Variants in ADARB2 observed in about 807,000 individuals in gnomAD.
ADARB2 encodes the protein inactive double-stranded RNA-specific editase B2.
A neutral mutation model predicts 62.2 loss-of-function variants in ADARB2; 25 were observed. The ratio of observed to expected loss-of-function variants is 0.40; its 90% CI spans 0.29 to 0.56. The LOEUF is 0.56. Among genes scored for constraint, ADARB2 ranks in the 20% least tolerant of loss-of-function variants. The pLI is 0.43. For missense variants in ADARB2, 1,071 were observed against 1,077.4 expected, an observed-to-expected ratio of 0.99 and a Z score of 0.08; for synonymous variants, 572 against 500.8, an observed-to-expected ratio of 1.14 and a Z score of -1.90.
At chr10:1,384,092 G>C (rs1832506378) in intron 1 of ADARB2, among the ~76,000 whole-genome samples, 1 of 152,178 alleles carries the variant, frequency 6.6e-6, no homozygotes, top group Non-Finnish European at 1.5e-5. Context: ...TTAATATTTT[G>C]TAGAAAAATC....
At chr10:1,533,926 A>G (rs1051569172) in intron 1 of ADARB2, among the ~76,000 whole-genome samples, 3 of 151,734 alleles carry the variant, frequency 2.0e-5, no homozygotes, top group African/African-American at 7.3e-5. Context: ...ATTTAGGAAT[A>G]TTTTTGTAAA....
At chr10:1,326,776 C>G (rs12358210) in intron 3 of ADARB2, among the ~76,000 whole-genome samples, 14,367 of 73,622 alleles carry the variant, frequency 0.2, 2,630 homozygotes, top group Middle Eastern at 0.29. Flanking sequence ...GTAGCACAGC[C>G]CCTCCTCACT....
chr10:1,379,919 T>C (rs575956320), intron 1 of ADARB2, among the ~76,000 whole-genome samples: 1 of 152,334 alleles, frequency 6.6e-6, no homozygotes, highest in African/African-American at 2.4e-5. Context: ...TTTACTCCCA[T>C]GGTCTCAGCA....
At chr10:1,478,594 A>G (rs185851690) in intron 1 of ADARB2, among the ~76,000 whole-genome samples, 3 of 152,222 alleles carry the variant, frequency 2.0e-5, no homozygotes, top group African/African-American at 7.2e-5. Flanking sequence ...GAGAGCACCA[A>G]AACAAGGACC....
chr10:1,469,489 AACTTTTAC>A (rs1831295247), intron 1 of ADARB2, among the ~76,000 whole-genome samples: 1 of 152,214 alleles, frequency 6.6e-6, no homozygotes, highest in African/African-American at 2.4e-5. Flanking sequence ...CTTAATACCA[AACTTTTAC>A]ACTTTTACAC....
At chr10:1,342,843 G>C (rs1832043106) in intron 3 of ADARB2, among the ~76,000 whole-genome samples, 1 of 151,846 alleles carries the variant, frequency 6.6e-6, no homozygotes, top group South Asian at 2.1e-4. Flanking sequence ...TCCTTTTTTT[G>C]AACACAAGTC....
rs1257588669 is a variant in ADARB2, at chr10:1,261,461, A to AATC, written c.1192+9493_1192+9494insGAT. Among the ~76,000 whole-genome samples, 3 of 150,196 alleles carry AATC rather than the reference A, an allele frequency of 2.0e-5. No homozygotes were observed. In the East Asian group the frequency reaches 5.8e-4, roughly 29 times the overall value. On this transcript the variant is annotated intron_variant, in intron 4 of 9. Coordinates refer to ENST00000381312, the MANE Select transcript of ADARB2 (RefSeq NM_018702.4). ...TGAACTCAAACAAATTTACAAGAAAAAAACAACCCCATAAAAAAGTGGGCA... is the reference window on the plus strand; with the variant it reads ...TGAACTCAAACAAATTTACAAGAAAAATCAAACAACCCCATAAAAAAGTGGGCA...
intron 1 of ADARB2, among the ~76,000 whole-genome samples, chr10:1,485,922 CCT>C (rs1831535439): frequency 6.6e-6 from 1 of 152,176 alleles, no homozygotes; most frequent in Non-Finnish European, 1.5e-5. Context: ...TATGACTCTC[CCT>C]CTCTCTTCTA....
At chr10:1,607,531 C>T (rs1277539268) in intron 1 of ADARB2, among the ~76,000 whole-genome samples, 2 of 152,028 alleles carry the variant, frequency 1.3e-5, no homozygotes, top group African/African-American at 4.8e-5. Flanking sequence ...GACCACATCC[C>T]AGACACCAGG....
chr10:1,509,994 CTCTTTCTTTCTTT>C (rs1564312322), intron 1 of ADARB2, among the ~76,000 whole-genome samples: 1 of 151,834 alleles, frequency 6.6e-6, no homozygotes, highest in Non-Finnish European at 1.5e-5. Flanking sequence ...CTTTCTTTTT[CTCTTTCTTTCTTT>C]TCTTTCTTCT....
At chr10:1,583,352 C>T (rs1833132321) in intron 1 of ADARB2, among the ~76,000 whole-genome samples, 1 of 152,174 alleles carries the variant, frequency 6.6e-6, no homozygotes, top group Admixed American at 6.5e-5. Flanking sequence ...TTGCATTTTA[C>T]AGATAGCTTT....
At position 1,347,683 on chromosome 10, in the gene ADARB2, G is replaced by A. The variant is rs114152852; in HGVS notation, c.1077+15345C>T. 4.8e-3 allele frequency among the ~76,000 whole-genome samples: 731 copies of A among 152,270 alleles called. 4 individuals are homozygous for A. Among genetic ancestry groups the A allele is most frequent in the African/African-American group, 0.015 (607 of 41,562 alleles). On this transcript the variant is annotated intron_variant, in intron 3 of 9. Coordinates refer to ENST00000381312, the MANE Select transcript of ADARB2 (RefSeq NM_018702.4). Reference sequence around the variant, plus strand: ...AGTAAGACCACGGGTGCCTCGACCCGGCTGGTGCACAAGGAGCACAGCCAT... The same window carrying A: ...AGTAAGACCACGGGTGCCTCGACCCAGCTGGTGCACAAGGAGCACAGCCAT...
intron 4 of ADARB2, among the ~76,000 whole-genome samples, chr10:1,249,893 A>G (rs1371180843): frequency 6.6e-6 from 1 of 151,956 alleles, no homozygotes; most frequent in Non-Finnish European, 1.5e-5. Flanking sequence ...CCAAGTTAAT[A>G]TACAGAAGTC....
intron 1 of ADARB2, among the ~76,000 whole-genome samples, chr10:1,425,518 G>A (rs771247573): frequency 1.1e-4 from 16 of 152,266 alleles, no homozygotes; most frequent in Non-Finnish European, 2.1e-4. Flanking sequence ...AGGATTCCAG[G>A]GATTTGCTTG....
At chr10:1,631,296 A>G (rs1833840989) in intron 1 of ADARB2, among the ~76,000 whole-genome samples, 1 of 151,696 alleles carries the variant, frequency 6.6e-6, no homozygotes, top group Non-Finnish European at 1.5e-5. Flanking sequence ...ACCCACCACT[A>G]CCTGGCACCG....
At chr10:1,404,947 C>G (rs1315311484) in intron 1 of ADARB2, among the ~76,000 whole-genome samples, 4 of 152,240 alleles carry the variant, frequency 2.6e-5, no homozygotes, top group African/African-American at 9.6e-5. Flanking sequence ...GTTAAAGCAG[C>G]AGGACCCTGT....
chr10:1,416,607 C>T (rs998382288), intron 1 of ADARB2, among the ~76,000 whole-genome samples: 1 of 152,250 alleles, frequency 6.6e-6, no homozygotes, highest in Non-Finnish European at 1.5e-5. Context: ...TGAGGCTGCA[C>T]AGGCAGGGGC....
At chr10:1,360,885 G>T (rs1291782961) in intron 3 of ADARB2, 1 of 152,664 alleles carries the variant, frequency 6.6e-6, no homozygotes, top group Non-Finnish European at 1.5e-5. Context: ...CATCGTGAGA[G>T]CTCAGGGCTG....
intron 1 of ADARB2, among the ~76,000 whole-genome samples, chr10:1,438,035 C>T (rs1389635209): frequency 6.6e-6 from 1 of 152,224 alleles, no homozygotes; most frequent in Non-Finnish European, 1.5e-5. Flanking sequence ...CTCTCACTCC[C>T]TCCTCTCCTT....
Sources: allele counts gnomAD v4.1 joint callset (sites outside exome capture counted in the v4.1 genomes callset), GRCh38; gene constraint gnomAD v4.1.1; transcripts MANE v1.5; gene names NCBI Gene and HGNC (gene_info 2026-07-23, HGNC 2026-07-21).